Variants in WDR59 observed in about 807,000 individuals in gnomAD.
WDR59 encodes GATOR2 complex protein WDR59.
In WDR59, 100 loss-of-function variants were observed where a neutral mutation model predicts 131.2. The ratio of observed to expected loss-of-function variants is 0.76; its 90% CI spans 0.65 to 0.90. WDR59 has a LOEUF of 0.90. WDR59 is among the 40% of genes least tolerant of loss of function. The pLI, the probability that WDR59 is intolerant of heterozygous loss-of-function variation, is 0.00. For missense variants in WDR59, 1,203 were observed against 1,262.2 expected (o/e 0.95, Z 0.71); for synonymous variants, 601 against 466.2 (o/e 1.29, Z -3.72).
Position 74,915,855 on chromosome 16 carries a change from G to A in WDR59, c.1224+15C>T, listed in dbSNP as rs1198447230. Reference sequence around the variant, plus strand: ...CCATCAGCAAACATGAGATACAGTTGATTAAACTAAGTACCTCCACATTGA... The same window carrying A: ...CCATCAGCAAACATGAGATACAGTTAATTAAACTAAGTACCTCCACATTGA... On this transcript the variant is annotated intron_variant, in intron 13 of 25. Coordinates refer to ENST00000262144, the MANE Select transcript of WDR59 (RefSeq NM_030581.4). 2 of 1,614,050 alleles carry A rather than the reference G, an allele frequency of 1.2e-6. No homozygotes were observed. The highest frequency in any genetic ancestry group is 8.5e-7 in the Non-Finnish European group (1 of 1,180,034).
chr16:74,939,823 T>C (rs2145086520), intron 7 of WDR59, among the ~76,000 whole-genome samples: 1 of 151,764 alleles, frequency 6.6e-6, no homozygotes, highest in East Asian at 2.0e-4. Context: ...TTCCCATCTC[T>C]ACAAGAAAAA....
chr16:74,880,878 T>A (rs747523825), intron 25 of WDR59, among the ~76,000 whole-genome samples: 1 of 152,230 alleles, frequency 6.6e-6, no homozygotes, highest in African/African-American at 2.4e-5. Context: ...ACAAAAAGTT[T>A]TGTGTATTAA....
chr16:74,900,009 T>A (rs912633156), intron 18 of WDR59, among the ~76,000 whole-genome samples: 1 of 152,078 alleles, frequency 6.6e-6, no homozygotes, highest in Non-Finnish European at 1.5e-5. Context: ...TAGTCACATT[T>A]CAAGGTATAT....
At chr16:74,974,768 C>T (rs2034120899) in intron 1 of WDR59, among the ~76,000 whole-genome samples, 1 of 152,206 alleles carries the variant, frequency 6.6e-6, no homozygotes, top group African/African-American at 2.4e-5. Context: ...ATTGTGGGTA[C>T]TGAGTCCCTA....
In WDR59 at chr16:74,956,544, C is replaced by T; in HGVS notation, c.171G>A (p.Gln57=). ...GCACAGCTCCAATGTCCCATTTGCT[C>T]TGGCGAGAGATCTTTCGGTGACCTT... The part of the protein sequence containing the change: ...PFEGHRKISR[Q]SKWDIGAVQW... The change falls in exon 3 of 26, where the codon CAG becomes CAA. Residue 57 remains glutamine, a synonymous_variant. Coordinates refer to ENST00000262144, the MANE Select transcript of WDR59 (RefSeq NM_030581.4). 2 of 1,614,134 alleles carry T rather than the reference C, an allele frequency of 1.2e-6. No homozygotes were observed. The highest frequency in any genetic ancestry group is 1.7e-6 in the Non-Finnish European group (2 of 1,180,002).
At chr16:74,891,326 G>C (rs1378144417) in intron 20 of WDR59, among the ~76,000 whole-genome samples, 1 of 152,086 alleles carries the variant, frequency 6.6e-6, no homozygotes, top group Non-Finnish European at 1.5e-5. Flanking sequence ...CATTAGGCAT[G>C]CAAAATCAAT....
intron 18 of WDR59, among the ~76,000 whole-genome samples, chr16:74,894,465 G>A (rs971058797): frequency 9.9e-5 from 15 of 152,152 alleles, no homozygotes; most frequent in Admixed American, 6.6e-4. Flanking sequence ...CCTATGGGTG[G>A]CTACATGTGT....
In WDR59 at chr16:74,930,052, C is replaced by CG. The variant is rs1315143973; in HGVS notation, c.652-6050dup. Among the ~76,000 whole-genome samples, 5 of 151,754 alleles carry CG rather than the reference C, an allele frequency of 3.3e-5. No individual in the cohort carries two copies. The South Asian group carries it at 1.0e-3, about 32-fold the overall frequency. ...GGCTGGGAAGCGTAGTGGGGTAGAG[C>CG]GGGGGGAGCCAGAAGTGGGGATGGT... On this transcript the variant is annotated intron_variant, in intron 8 of 25. Transcript: ENST00000262144.
At chr16:74,933,230 G>C (rs1439321316) in intron 8 of WDR59, among the ~76,000 whole-genome samples, 3 of 152,194 alleles carry the variant, frequency 2.0e-5, no homozygotes, top group African/African-American at 7.2e-5. Context: ...GAGCCCAGGA[G>C]TTCAAGGCTG....
chr16:74,953,430 G>A (rs1597788923), intron 3 of WDR59, among the ~76,000 whole-genome samples: 2 of 147,122 alleles, frequency 1.4e-5, no homozygotes, highest in Non-Finnish European at 3.0e-5. Flanking sequence ...CTGAGATGGC[G>A]CCACTGCACT....
intron 25 of WDR59, 123 bp downstream of exon 25, chr16:74,885,530 T>C: frequency 8.4e-7 from 1 of 1,183,912 alleles, no homozygotes; most frequent in Admixed American, 2.9e-5. Flanking sequence ...AGACTCAAAA[T>C]GCCTCAGAAA....
chr16:74,936,554 G>T (rs1449465153), intron 8 of WDR59, among the ~76,000 whole-genome samples: 1 of 151,998 alleles, frequency 6.6e-6, no homozygotes, highest in Non-Finnish European at 1.5e-5. Context: ...AGCCGGGCAT[G>T]GTAGCTCATG....
rs368229246 is a variant in WDR59 at position 74,874,332 on chromosome 16, C to A, written c.2802G>T (p.Ser934=). The A allele has an allele frequency of 1.9e-6, 3 of 1,614,012 alleles. No homozygotes were observed. Among genetic ancestry groups the A allele is most frequent in the African/African-American group, 1.3e-5 (1 of 74,924 alleles). The part of the protein sequence containing the change: ...CAICHVAVRG[S]SNFCLTCGHG... The stretch of plus-strand genomic sequence containing the variant: ...GCCCACAGGTCAGGCAGAAATTGGA[C>A]GATCCCCGCACAGCCACGTGACAGA... The change falls in exon 26 of 26, where the codon TCG becomes TCT. Residue 934 remains serine, a synonymous_variant. Coordinates refer to ENST00000262144, the MANE Select transcript of WDR59 (RefSeq NM_030581.4).
intron 7 of WDR59, among the ~76,000 whole-genome samples, chr16:74,940,231 T>C (rs1212205044): frequency 6.6e-6 from 1 of 151,718 alleles, no homozygotes; most frequent in Admixed American, 6.6e-5. Context: ...ATAAAAAAAT[T>C]AGCCAGGCGT....
chr16:74,886,733 A>C (rs1964784488), intron 23 of WDR59, among the ~76,000 whole-genome samples: 1 of 152,112 alleles, frequency 6.6e-6, no homozygotes, highest in Admixed American at 6.6e-5. Flanking sequence ...CAGCCTGACG[A>C]ACATAGTGAA....
At chr16:74,931,504 T>G (rs2031381366) in intron 8 of WDR59, among the ~76,000 whole-genome samples, 1 of 152,008 alleles carries the variant, frequency 6.6e-6, no homozygotes, top group Non-Finnish European at 1.5e-5. Context: ...CCTGGCTAAT[T>G]TTTTGCATTT....
At chr16:74,983,243 C>G (rs368821274) in intron 1 of WDR59, among the ~76,000 whole-genome samples, 1 of 151,938 alleles carries the variant, frequency 6.6e-6, no homozygotes, top group Non-Finnish European at 1.5e-5. Flanking sequence ...GAGGCCAAGG[C>G]AGATGGATCA....
At chr16:74,907,108 G>A (rs986352269) in intron 17 of WDR59, among the ~76,000 whole-genome samples, 1 of 150,610 alleles carries the variant, frequency 6.6e-6, no homozygotes, top group African/African-American at 2.4e-5. Flanking sequence ...CCCTAGTACT[G>A]AACCCCAGTT....
chr16:74,885,240 G>A (rs1218963232), intron 25 of WDR59, among the ~76,000 whole-genome samples: 1 of 152,044 alleles, frequency 6.6e-6, no homozygotes, highest in South Asian at 2.1e-4. Context: ...ATCACCTGAG[G>A]TCAGGAGTTC....
Sources: gnomAD v4.1 joint callset for allele counts (sites outside exome capture counted in the v4.1 genomes callset) on GRCh38, gnomAD v4.1.1 for gene constraint, MANE v1.5 for transcripts, NCBI Gene and HGNC (gene_info 2026-07-23, HGNC 2026-07-21) for gene names.